Variants in HK1 observed in about 807,000 individuals in gnomAD.
HK1 encodes hexokinase 1, also known as hexokinase-1.
Under a neutral mutation model 91.6 loss-of-function variants are expected in HK1, and 28 were observed. That is an observed-to-expected ratio of 0.31 (90% CI 0.23 to 0.42). HK1 has a LOEUF of 0.42. Ranked by LOEUF, HK1 falls within the 10% of genes least tolerant of loss-of-function variation. The pLI is 1.00. For missense variants in HK1, 770 were observed against 1,219.8 expected (o/e 0.63, Z 5.49); for synonymous variants, 430 against 468.1 (o/e 0.92, Z 1.05).
intron 17 of HK1, 126 bp downstream of exon 17, chr10:69,398,954 T>C: frequency 1.5e-6 from 1 of 686,384 alleles, no homozygotes; most frequent in Admixed American, 2.4e-5. Flanking sequence ...AGGCTGTGCG[T>C]TCAGGAGCTG....
chr10:69,273,303 C>A (rs575514078), intron 1 of HK1, among the ~76,000 whole-genome samples: 1 of 152,246 alleles, frequency 6.6e-6, no homozygotes, highest in African/African-American at 2.4e-5. Context: ...GCAGGCTCCA[C>A]CTCCGGAATT....
intron 2 of HK1, among the ~76,000 whole-genome samples, chr10:69,287,941 C>G (rs1845107485): frequency 6.7e-6 from 1 of 150,112 alleles, no homozygotes; most frequent in Admixed American, 6.6e-5. Flanking sequence ...GGGTTCAAGA[C>G]CAGCTTGGGC....
chr10:69,339,511 A>G (rs2132663908), intron 1 of HK1, among the ~76,000 whole-genome samples: 1 of 152,288 alleles, frequency 6.6e-6, no homozygotes, highest in East Asian at 1.9e-4. Flanking sequence ...CATGAACCTG[A>G]ACAAAAGGAG....
At chr10:69,300,698 C>A in intron 4 of HK1, 1 of 908,046 alleles carries the variant, frequency 1.1e-6, no homozygotes, top group Non-Finnish European at 1.8e-6. Flanking sequence ...CATGCTTCAT[C>A]ATCACAGTGA....
chr10:69,335,737 C>G (rs1847946004), intron 1 of HK1, among the ~76,000 whole-genome samples: 1 of 152,160 alleles, frequency 6.6e-6, no homozygotes, highest in Non-Finnish European at 1.5e-5. Context: ...CTTTATAGGT[C>G]AAAGTCATAG....
Position 69,392,235 on chromosome 10 carries a change from G to A in HK1, c.2146G>A (p.Gly716Arg), listed in dbSNP as rs895581035. 13 of 1,614,072 alleles carry A rather than the reference G, an allele frequency of 8.1e-6. No individual in the cohort carries two copies. Among genetic ancestry groups the A allele is most frequent in the Admixed American group, 6.7e-5 (4 of 60,008 alleles). The change falls in exon 15 of 18, where the codon GGG becomes AGG. Residue 716 changes from glycine (G) to arginine (R), a missense_variant. Gly to Arg is a moderately radical substitution (Grantham distance 125). Transcript: ENST00000359426. ...GGAGTGGGGGGCCTTTGGGGACAAC[G>A]GGTGTCTGGATGATATCAGGACACA... ...NMEWGAFGDN[G>R]CLDDIRTHYD...
At chr10:69,289,461 ATTTT>A (rs67564699) in intron 3 of HK1, among the ~76,000 whole-genome samples, 113 of 112,794 alleles carry the variant, frequency 1.0e-3, no homozygotes, top group African/African-American at 4.3e-3. Flanking sequence ...AAAAAAAAAA[ATTTT>A]TTTTTTTTTT....
chr10:69,341,820 T>C (rs191550004), intron 1 of HK1, among the ~76,000 whole-genome samples: 8 of 152,090 alleles, frequency 5.3e-5, no homozygotes, highest in Non-Finnish European at 1.2e-4. Flanking sequence ...GCTGCTTTAT[T>C]GTAAAGGGAA....
At chr10:69,293,855 C>CTTTTT (rs34434447) in intron 3 of HK1, among the ~76,000 whole-genome samples, 37 of 98,958 alleles carry the variant, frequency 3.7e-4, no homozygotes, top group Non-Finnish European at 5.1e-4. Context: ...ATATTTCTTT[C>CTTTTT]TTTTTTTTTT....
At chr10:69,366,352 A>T (rs1290967986) in intron 4 of HK1, among the ~76,000 whole-genome samples, 1 of 152,164 alleles carries the variant, frequency 6.6e-6, no homozygotes, top group Non-Finnish European at 1.5e-5. Flanking sequence ...CCACACTTGC[A>T]GGGAGCACCC....
At chr10:69,289,715 G>A (rs892712313) in intron 3 of HK1, among the ~76,000 whole-genome samples, 50 of 150,868 alleles carry the variant, frequency 3.3e-4, no homozygotes, top group African/African-American at 1.1e-3. Context: ...CATATGATCC[G>A]CCCACCTCAG....
intron 1 of HK1, among the ~76,000 whole-genome samples, chr10:69,320,312 C>T (rs572332049): frequency 1.2e-4 from 18 of 152,156 alleles, no homozygotes; most frequent in Non-Finnish European, 2.2e-4. Flanking sequence ...GGGACCCTGC[C>T]GTGATCTTGG....
At chr10:69,283,808 A>ACAAAAAAAG (rs1554875979) in intron 2 of HK1, among the ~76,000 whole-genome samples, 2 of 144,704 alleles carry the variant, frequency 1.4e-5, no homozygotes, top group African/African-American at 5.4e-5. Flanking sequence ...CAAAAAAAAA[A>ACAAAAAAAG]AAAAAAAAAG....
chr10:69,351,997 T>TGA (rs1178732268), intron 2 of HK1, among the ~76,000 whole-genome samples: 5 of 86,856 alleles, frequency 5.8e-5, no homozygotes, highest in African/African-American at 1.9e-4. Flanking sequence ...TTATTTCAAT[T>TGA]TTTTTTTTTT....
At chr10:69,368,665 C>T in intron 5 of HK1, 34 bp downstream of exon 5, 1 of 1,538,350 alleles carries the variant, frequency 6.5e-7, no homozygotes, top group South Asian at 1.1e-5. Flanking sequence ...CTCAGCCATG[C>T]AGGGGTGTGG....
upstream of HK1, chr10:69,318,092 C>A (rs895971217): frequency 3.6e-5 from 35 of 985,336 alleles, no homozygotes; most frequent in East Asian, 1.1e-4. Flanking sequence ...AGAGGGAGTG[C>A]GCCCTGAGGG....
chr10:69,298,242 G>T (rs1251150115), intron 4 of HK1, among the ~76,000 whole-genome samples: 1 of 151,478 alleles, frequency 6.6e-6, no homozygotes, highest in African/African-American at 2.4e-5. Context: ...AGAATTGCTT[G>T]GTTGAAGTAG....
At chr10:69,367,428 A>G (rs1029230265) in intron 4 of HK1, among the ~76,000 whole-genome samples, 2 of 152,186 alleles carry the variant, frequency 1.3e-5, no homozygotes, top group Non-Finnish European at 2.9e-5. Flanking sequence ...GGCAGACAGT[A>G]TGAAGTGGGA....
chr10:69,371,065 A>G (rs1849976216), intron 7 of HK1, among the ~76,000 whole-genome samples: 1 of 152,228 alleles, frequency 6.6e-6, no homozygotes, highest in Non-Finnish European at 1.5e-5. Flanking sequence ...ATTGAAATGC[A>G]TGACCCAAAA....
Sources: allele counts gnomAD v4.1 joint callset (sites outside exome capture counted in the v4.1 genomes callset), GRCh38; gene constraint gnomAD v4.1.1; transcripts MANE v1.5; gene names NCBI Gene and HGNC (gene_info 2026-07-23, HGNC 2026-07-21).